The following NAALADL2 variants were observed in gnomAD, a reference collection of about 807,000 sequenced individuals.
NAALADL2 encodes inactive N-acetylated-alpha-linked acidic dipeptidase-like protein 2.
A neutral mutation model predicts 87.2 loss-of-function variants in NAALADL2; 76 were observed. The ratio of observed to expected loss-of-function variants is 0.87; its 90% CI spans 0.72 to 1.05. NAALADL2 has a LOEUF of 1.05. Among genes scored for constraint, NAALADL2 ranks in the 50% least tolerant of loss-of-function variants. The probability of loss-of-function intolerance (pLI) is 0.00; values close to 1 mark genes in which losing one functional copy is unlikely to be tolerated. For synonymous variants in NAALADL2, 354 were observed against 331.0 expected, an observed-to-expected ratio of 1.07 and a Z score of -0.75; for missense variants, 1,089 against 945.8, an observed-to-expected ratio of 1.15 and a Z score of -1.99.
intron 3 of NAALADL2, among the ~76,000 whole-genome samples, chr3:174,773,227 T>C (rs569839178): frequency 2.0e-5 from 3 of 152,170 alleles, no homozygotes; most frequent in South Asian, 2.1e-4. Flanking sequence ...TGTTAAAGTA[T>C]AGAAATAGAG....
chr3:175,062,494 G>C (rs1053504584), intron 1 of NAALADL2, among the ~76,000 whole-genome samples: 1 of 143,532 alleles, frequency 7.0e-6, no homozygotes, highest in Non-Finnish European at 1.5e-5. Flanking sequence ...GTGTGTGTGT[G>C]TGTGTGTGTG....
chr3:174,894,662 G>A (rs62286174), intron 1 of NAALADL2, among the ~76,000 whole-genome samples: 49,501 of 129,978 alleles, frequency 0.38, 10,035 homozygotes, highest in African/African-American at 0.55. Context: ...GAAACATCAG[G>A]TGTAATCTGC....
chr3:174,583,562 A>T (rs9817983), intron 2 of NAALADL2, among the ~76,000 whole-genome samples: 66,208 of 151,964 alleles, frequency 0.44, 15,353 homozygotes, highest in East Asian at 0.81. Flanking sequence ...AACACTGAAC[A>T]GTACTCCTTA....
chr3:175,105,951 C>G (rs1361284839), intron 2 of NAALADL2, among the ~76,000 whole-genome samples: 1 of 151,926 alleles, frequency 6.6e-6, no homozygotes, highest in Non-Finnish European at 1.5e-5. Flanking sequence ...AAAGTGGATC[C>G]CCTCACAGGT....
chr3:174,610,727 A>T (rs538552840), intron 2 of NAALADL2, among the ~76,000 whole-genome samples: 1 of 107,836 alleles, frequency 9.3e-6, no homozygotes, highest in Non-Finnish European at 1.8e-5. Context: ...GGGACCGTAA[A>T]CTAGTTCAAC....
chr3:175,762,398 T>C (rs998632606), intron 13 of NAALADL2, among the ~76,000 whole-genome samples: 1 of 152,142 alleles, frequency 6.6e-6, no homozygotes. Flanking sequence ...AGCACTGGAC[T>C]TGGGATTTTT....
intron 4 of NAALADL2, among the ~76,000 whole-genome samples, chr3:175,317,161 A>G (rs1374199421): frequency 6.6e-6 from 1 of 152,192 alleles, no homozygotes; most frequent in Non-Finnish European, 1.5e-5. Flanking sequence ...TGATTATAAA[A>G]GGGGTCACAA....
intron 9 of NAALADL2, among the ~76,000 whole-genome samples, chr3:175,521,198 C>T (rs971150027): frequency 3.3e-5 from 5 of 151,154 alleles, no homozygotes; most frequent in African/African-American, 1.2e-4. Context: ...TACATTTTTC[C>T]CTTTTTTATA....
At chr3:175,327,148 C>CTCTTTTTTTTTTTTTTTTTTTTT (rs1760811308) in intron 5 of NAALADL2, among the ~76,000 whole-genome samples, 4 of 99,514 alleles carry the variant, frequency 4.0e-5, no homozygotes, top group African/African-American at 1.7e-4. Context: ...GTCTACATTT[C>CTCTTTTTTTTTTTTTTTTTTTTT]TTTTTTTTTT....
chr3:175,141,932 G>A (rs745627528), intron 2 of NAALADL2, among the ~76,000 whole-genome samples: 4 of 152,076 alleles, frequency 2.6e-5, no homozygotes, highest in Non-Finnish European at 4.4e-5. Context: ...ATCTCTCACA[G>A]AACATTTATA....
intron 5 of NAALADL2, among the ~76,000 whole-genome samples, chr3:175,384,831 G>T (rs1768180868): frequency 6.7e-6 from 1 of 149,762 alleles, no homozygotes; most frequent in Non-Finnish European, 1.5e-5. Flanking sequence ...TTTATTTCCA[G>T]AAATCACTTC....
At chr3:175,543,868 G>A (rs1712819644) in intron 9 of NAALADL2, among the ~76,000 whole-genome samples, 1 of 152,142 alleles carries the variant, frequency 6.6e-6, no homozygotes, top group African/African-American at 2.4e-5. Context: ...TCTCTAAGAA[G>A]ATGGAAAAAA....
At chr3:174,723,912 C>T (rs779130365) in intron 2 of NAALADL2, among the ~76,000 whole-genome samples, 1 of 151,838 alleles carries the variant, frequency 6.6e-6, no homozygotes, top group Non-Finnish European at 1.5e-5. Context: ...GCTATTAGTA[C>T]GTATGGTCAT....
At chr3:175,171,540 G>T (rs1580781913) in intron 2 of NAALADL2, among the ~76,000 whole-genome samples, 2 of 151,972 alleles carry the variant, frequency 1.3e-5, no homozygotes, top group Admixed American at 6.6e-5. Flanking sequence ...TGAAAAGTTA[G>T]ATATTTGTTC....
intron 5 of NAALADL2, among the ~76,000 whole-genome samples, chr3:175,344,737 T>G (rs909804635): frequency 6.6e-6 from 1 of 152,098 alleles, no homozygotes; most frequent in Non-Finnish European, 1.5e-5. Flanking sequence ...ACAAACTAGA[T>G]TTGTAAAACG....
At chr3:174,716,136 A>C (rs761779583) in intron 2 of NAALADL2, among the ~76,000 whole-genome samples, 7 of 152,114 alleles carry the variant, frequency 4.6e-5, no homozygotes, top group African/African-American at 7.2e-5. Flanking sequence ...AATATCCTTA[A>C]CAAATAGAAT....
chr3:175,106,281 T>A (rs1391944444), intron 2 of NAALADL2, among the ~76,000 whole-genome samples: 1 of 152,120 alleles, frequency 6.6e-6, no homozygotes, highest in African/African-American at 2.4e-5. Flanking sequence ...TTCTAATTTA[T>A]GTTGTATTAA....
At chr3:175,406,525 C>T (rs942264659) in intron 5 of NAALADL2, among the ~76,000 whole-genome samples, 1 of 152,118 alleles carries the variant, frequency 6.6e-6, no homozygotes, top group African/African-American at 2.4e-5. Flanking sequence ...TAAAATTTCT[C>T]ATTACTGTTT....
rs1029565358 is a variant in NAALADL2 at position 175,567,860 on chromosome 3, C to T, written c.1654-8181C>T. ...CCTCCCGAGTAGCTGGGACTACAGGCGTGTGTCATAACACCCCGCTAATTT... is the reference window on the plus strand; with the variant it reads ...CCTCCCGAGTAGCTGGGACTACAGGTGTGTGTCATAACACCCCGCTAATTT... On this transcript the variant is annotated intron_variant, in intron 9 of 13. Transcript: ENST00000454872. Among the ~76,000 whole-genome samples the T allele has an allele frequency of 2.0e-5, 3 of 151,870 alleles. No individual in the cohort carries two copies. The East Asian group carries it at 5.8e-4, about 29-fold the overall frequency.
Sources: allele counts gnomAD v4.1 joint callset (sites outside exome capture counted in the v4.1 genomes callset), GRCh38; gene constraint gnomAD v4.1.1; transcripts MANE v1.5; gene names NCBI Gene and HGNC (gene_info 2026-07-23, HGNC 2026-07-21).